Variants in LPCAT4 observed in about 807,000 individuals in gnomAD.
LPCAT4 encodes the protein lysophospholipid acyltransferase LPCAT4.
Under a neutral mutation model 66.5 loss-of-function variants are expected in LPCAT4, and 30 were observed. The observed-to-expected ratio is 0.45, with a 90% confidence interval of 0.34 to 0.61. The LOEUF is 0.61. LPCAT4 is among the 20% of genes least tolerant of loss of function. The probability of loss-of-function intolerance (pLI) is 0.01; values close to 1 mark genes in which losing one functional copy is unlikely to be tolerated. For synonymous variants in LPCAT4, 253 were observed against 262.1 expected (o/e 0.97, Z 0.34); for missense variants, 557 against 656.7 (o/e 0.85, Z 1.66).
rs751209708 is a variant in LPCAT4, at chr15:34,365,134, G to T, written c.352C>A (p.Arg118Ser). ...GCAACAAGGACAGGGGCTTGAAGGC[G>T]AGAGGCTCGCTGGCCACGAACGCGA... ...RIRVRGQRAS[R>S]LQAPVLVAAP... The change falls in exon 3 of 14, where the codon CGC becomes AGC. Residue 118 changes from arginine to serine, a missense_variant. By Grantham distance (110) the Arg-to-Ser change is moderately radical. Around this residue, in one of 4 missense-constraint regions of LPCAT4, gnomAD observed 65 missense variants for 83.5 expected, o/e 0.78. Coordinates refer to ENST00000314891, the MANE Select transcript of LPCAT4 (RefSeq NM_153613.3). 1 of 1,614,230 alleles carries T rather than the reference G, an allele frequency of 6.2e-7. No homozygotes were observed. Among genetic ancestry groups the T allele is most frequent in the South Asian group, 1.1e-5 (1 of 91,086 alleles).
chr15:34,362,791 C>T lies in LPCAT4; in HGVS notation c.792G>A (p.Val264=). The change falls in exon 8 of 14, where the codon GTG becomes GTA. Residue 264 remains valine, a synonymous_variant. Transcript: ENST00000314891. ...CCCACGGGAGCCATACCTCCACATC[C>T]ACAATGCTGCAGGGCTGAGAGGCTG... ...WLTASQPCSI[V]DVEFLPVYHP... The T allele has an allele frequency of 1.9e-6, 3 of 1,614,228 alleles. No homozygotes were observed. The highest frequency in any genetic ancestry group is 2.5e-6 in the Non-Finnish European group (3 of 1,180,034).
intron 3 of LPCAT4, 45 bp from the exon 4 acceptor site, chr15:34,364,351 C>T: frequency 7.9e-7 from 1 of 1,259,274 alleles, no homozygotes; most frequent in Non-Finnish European, 1.2e-6. Flanking sequence ...CTTTCCTACC[C>T]AGGGGCAGTA....
intron 2 of LPCAT4, 81 bp from the exon 3 acceptor site, chr15:34,365,309 G>T: frequency 7.0e-7 from 1 of 1,419,408 alleles, no homozygotes; most frequent in Non-Finnish European, 9.6e-7. Context: ...CGGGAAAGTA[G>T]GGCACCCCTC....
Position 34,365,254 on chromosome 15 carries a change from C to T in LPCAT4, c.258-26G>A, listed in dbSNP as rs1470145522. 7 of 1,580,418 alleles carry T rather than the reference C, an allele frequency of 4.4e-6. No homozygotes were observed. The East Asian group carries it at 9.1e-5, about 20-fold the overall frequency. On this transcript the variant is annotated intron_variant, in intron 2 of 13. Transcript: ENST00000314891. ...CTGCCAGGGCAAGGCTGGGTATCAG[C>T]GGAAGCAGTGGTTCTAACCCTCACC...
intron 2 of LPCAT4, 104 bp from the exon 3 acceptor site, chr15:34,365,332 A>C: frequency 1.5e-6 from 2 of 1,293,942 alleles, no homozygotes; most frequent in African/African-American, 1.5e-5. Flanking sequence ...TTACCCTTAA[A>C]TAGGATGTGA....
chr15:34,367,049 G>T lies in LPCAT4; in HGVS notation c.52C>A (p.Pro18Thr). The T allele has an allele frequency of 1.3e-6, 2 of 1,553,530 alleles. No individual in the cohort carries two copies. Among genetic ancestry groups the T allele is most frequent in the Admixed American group, 2.0e-5 (1 of 50,482 alleles). Residue 18 changes from proline to threonine, a missense_variant, in exon 1 of 14, where the codon CCC (proline) becomes ACC (threonine). Physicochemically the swap from Pro to Thr is conservative, Grantham distance 38. Transcript: ENST00000314891. ...DWAPLDPTPG[P>T]PASPNPFVHE... ...ACGAAGGGGTTGGGGGATGCTGGGG[G>T]TCCGGGGGTGGGATCTAGGGGGGCC...
chr15:34,360,253 T>TCCC, intron 11 of LPCAT4, 44 bp from the exon 12 acceptor site: 1 of 1,483,060 alleles, frequency 6.7e-7, no homozygotes, highest in Non-Finnish European at 9.4e-7. Flanking sequence ...ACCCTGCGCC[T>TCCC]CCCTTCCTGC....
chr15:34,365,980 AC>A (rs1891067464), intron 1 of LPCAT4: 7 of 385,530 alleles, frequency 1.8e-5, no homozygotes, highest in Admixed American at 1.6e-4. Context: ...AGCATCTAGC[AC>A]TTAGAGGATT....
rs112853550 is a variant in LPCAT4 at position 34,363,160 on chromosome 15, T to C, written c.746+262A>G. ...GGTGATGGTTCTCAGGAAGGGATAATTGAGGGAGAAAATCACAGAAACATG... is the reference window on the plus strand; with the variant it reads ...GGTGATGGTTCTCAGGAAGGGATAACTGAGGGAGAAAATCACAGAAACATG... On this transcript the variant is annotated intron_variant, in intron 7 of 13. Coordinates refer to ENST00000314891, the MANE Select transcript of LPCAT4 (RefSeq NM_153613.3). The surrounding 1 kb of genome is among the most constrained non-coding windows in gnomAD (Gnocchi z 4.3). Among the ~76,000 whole-genome samples, 2 of 152,014 alleles carry C rather than the reference T, an allele frequency of 1.3e-5. No individual in the cohort carries two copies. Among genetic ancestry groups the C allele is most frequent in the East Asian group, 1.9e-4 (1 of 5,182 alleles).
Position 34,363,419 on chromosome 15 carries a change from C to A in LPCAT4, c.746+3G>T. The A allele has an allele frequency of 6.2e-7, 1 of 1,613,804 alleles. No homozygotes were observed. Among genetic ancestry groups the A allele is most frequent in the South Asian group, 1.1e-5 (1 of 91,046 alleles). ...CCTCACCCCCAGGAATACCAGAACT[C>A]ACACTCCAGGACCCCTCCATGCCCA... On this transcript the variant is annotated splice_donor_region_variant and intron_variant, in intron 7 of 13. Transcript: ENST00000314891. The surrounding 1 kb of genome is among the most constrained non-coding windows in gnomAD (Gnocchi z 4.3).
rs59218958 is a variant in LPCAT4 at position 34,364,590 on chromosome 15, A to ATTTTTT, written c.479-290_479-285dup. ...AAGCATGGGCCACCACGCCCGGCTA[A>ATTTTTT]TTTTTTTTTTTTTTTTACGCCCGGC... On this transcript the variant is annotated intron_variant, in intron 3 of 13. Coordinates refer to ENST00000314891, the MANE Select transcript of LPCAT4 (RefSeq NM_153613.3). 9.5e-3 allele frequency: 1,484 copies of ATTTTTT among 155,696 alleles called. 6 individuals are homozygous for ATTTTTT. The highest frequency in any genetic ancestry group is 0.028 in the South Asian group (183 of 6,536). The allele number at this position is 155,696 out of a possible 1,614,324, so 9.6% of individuals were successfully genotyped here.
In LPCAT4 at chr15:34,363,526, G is replaced by C; in HGVS notation, c.712-70C>G. ...CCCCTGGAACTGGCCAATCACCTTT[G>C]AACAGAGGGCCTGATCCCACCTCTG... On this transcript the variant is annotated intron_variant, in intron 6 of 13. Coordinates refer to ENST00000314891, the MANE Select transcript of LPCAT4 (RefSeq NM_153613.3). This position sits in a 1 kb window ranked among gnomAD's most constrained non-coding sequence, Gnocchi z 4.3. 1.2e-6 allele frequency: 2 copies of C among 1,606,288 alleles called. No homozygotes were observed. Among genetic ancestry groups the C allele is most frequent in the Non-Finnish European group, 8.5e-7 (1 of 1,173,560 alleles).
chr15:34,363,937 G>C lies in LPCAT4; in HGVS notation c.652+76C>G, dbSNP rs1281613502. ...CATCCCTCCCCCTCTTCTACTTCTT[G>C]GGTTATTTCAGAGTCCCTCCCCAAA... On this transcript the variant is annotated intron_variant, in intron 5 of 13. Transcript: ENST00000314891. The surrounding 1 kb of genome is among the most constrained non-coding windows in gnomAD (Gnocchi z 4.3). 6.8e-7 allele frequency: 1 copy of C among 1,475,622 alleles called. No homozygotes were observed. The highest frequency in any genetic ancestry group is 1.7e-5 in the Admixed American group (1 of 57,836). 91.4% of individuals were successfully genotyped at this position (1,475,622 alleles called of 1,614,324 possible).
chr15:34,367,125 CACCCCGGCCCTG>C lies in LPCAT4; in HGVS notation c.-37_-26del. On this transcript the variant is annotated 5_prime_UTR_variant, in exon 1 of 14. Coordinates refer to ENST00000314891, the MANE Select transcript of LPCAT4 (RefSeq NM_153613.3). Reference sequence around the variant, plus strand: ...TGGCGGGAGAAGGTGGGAGGGAGGGCACCCCGGCCCTGGCCCCGGCCACCACTCTGCAGAGCA... The same window carrying C: ...TGGCGGGAGAAGGTGGGAGGGAGGGCGCCCCGGCCACCACTCTGCAGAGCA... The C allele has an allele frequency of 6.6e-7, 1 of 1,515,408 alleles. No homozygotes were observed. Among genetic ancestry groups the C allele is most frequent in the Non-Finnish European group, 8.8e-7 (1 of 1,130,540 alleles). 93.9% of individuals were successfully genotyped at this position (1,515,408 alleles called of 1,614,324 possible). A position where few individuals can be genotyped will look rare whatever the true frequency, so the allele number is the denominator to read the frequency against.
intron 11 of LPCAT4, chr15:34,361,008 C>T (rs1890929381): frequency 5.2e-6 from 1 of 192,122 alleles, no homozygotes; most frequent in Admixed American, 5.5e-5. Context: ...GTCTCAAGCT[C>T]TCAACCATCT....
At chr15:34,364,877 G>A (rs1891039256) in intron 3 of LPCAT4, 131 bp downstream of exon 3, 2 of 710,536 alleles carry the variant, frequency 2.8e-6, no homozygotes, top group Admixed American at 5.8e-5. Flanking sequence ...GACTAATGGT[G>A]TTAATTTATA....
Position 34,359,668 on chromosome 15 carries a change from C to A in LPCAT4, c.1320G>T (p.Leu440=), listed in dbSNP as rs1441161796. 6.2e-7 allele frequency: 1 copy of A among 1,613,620 alleles called. No homozygotes were observed. Among genetic ancestry groups the A allele is most frequent in the Non-Finnish European group, 8.5e-7 (1 of 1,180,008 alleles). ...TGGCAGCAGGGTGGGGTGAACCCAGCAGCAGGTGCAGGATGGTGCTGAAGC... is the reference window on the plus strand; with the variant it reads ...TGGCAGCAGGGTGGGGTGAACCCAGAAGCAGGTGCAGGATGGTGCTGAAGC... ...KDGFSTILHL[L]LGSPHPAATA... Residue 440 remains leucine, a synonymous_variant, in exon 13 of 14, where the codon CTG becomes CTT. Coordinates refer to ENST00000314891, the MANE Select transcript of LPCAT4 (RefSeq NM_153613.3).
chr15:34,366,592 C>T (rs1451740562), intron 1 of LPCAT4, among the ~76,000 whole-genome samples: 1 of 151,998 alleles, frequency 6.6e-6, no homozygotes, highest in African/African-American at 2.4e-5. Context: ...TAAGTCATGC[C>T]TCGGAGGAAT....
chr15:34,365,843 C>T, intron 1 of LPCAT4, 142 bp from the exon 2 acceptor site: 3 of 957,684 alleles, frequency 3.1e-6, no homozygotes, highest in South Asian at 3.5e-5. Context: ...GGAGAGGGGA[C>T]TGGGACCCAA....
Sources: allele counts gnomAD v4.1 joint callset (sites outside exome capture counted in the v4.1 genomes callset), GRCh38; gene constraint gnomAD v4.1.1; regional missense constraint gnomAD v4.1.1; non-coding constraint Gnocchi (gnomAD v3.1); transcripts MANE v1.5; gene names NCBI Gene and HGNC (gene_info 2026-07-23, HGNC 2026-07-21).